Variants in NECAB1 observed in about 807,000 individuals in gnomAD.
The protein encoded by NECAB1 is N-terminal EF-hand calcium binding protein 1.
Under a neutral mutation model 57.5 loss-of-function variants are expected in NECAB1, and 29 were observed. The observed-to-expected ratio is 0.50, with a 90% CI of 0.38 to 0.69. The LOEUF is 0.69. Among genes scored for constraint, NECAB1 ranks in the 30% least tolerant of loss-of-function variants. The pLI is 0.00. For synonymous variants in NECAB1, 142 were observed against 147.7 expected (o/e 0.96, Z 0.28); for missense variants, 372 against 413.8 (o/e 0.90, Z 0.88).
At chr8:90,874,882 G>A (rs1808686083) in intron 4 of NECAB1, among the ~76,000 whole-genome samples, 1 of 151,962 alleles carries the variant, frequency 6.6e-6, no homozygotes, top group South Asian at 2.1e-4. Flanking sequence ...ACACCCACCA[G>A]CAGTTTATAG....
intron 12 of NECAB1, among the ~76,000 whole-genome samples, chr8:90,953,496 T>A (rs907589430): frequency 6.6e-5 from 10 of 152,214 alleles, no homozygotes; most frequent in African/African-American, 1.9e-4. Flanking sequence ...TAATTTCATG[T>A]TACATTTAAT....
chr8:90,947,129 C>T (rs2130260696), intron 10 of NECAB1, among the ~76,000 whole-genome samples: 1 of 152,246 alleles, frequency 6.6e-6, no homozygotes, highest in South Asian at 2.1e-4. Flanking sequence ...CTTCTCATTG[C>T]TTTAATAGAT....
At chr8:90,921,047 C>G (rs1474935687) in intron 6 of NECAB1, among the ~76,000 whole-genome samples, 4 of 152,146 alleles carry the variant, frequency 2.6e-5, no homozygotes. Context: ...GACAAAGTCT[C>G]ACTCTGTAGC....
chr8:90,867,547 AT>A (rs1808541469), intron 3 of NECAB1, among the ~76,000 whole-genome samples: 1 of 150,852 alleles, frequency 6.6e-6, no homozygotes, highest in South Asian at 2.1e-4. Flanking sequence ...CTATCTATTC[AT>A]TTCTATCTAT....
intron 2 of NECAB1, among the ~76,000 whole-genome samples, chr8:90,805,945 C>A (rs1029084340): frequency 2.6e-5 from 4 of 152,146 alleles, no homozygotes; most frequent in South Asian, 2.1e-4. Flanking sequence ...ATTTCCTCCA[C>A]CCCCAGCCCA....
intron 3 of NECAB1, among the ~76,000 whole-genome samples, chr8:90,856,867 C>T (rs186404346): frequency 4.7e-4 from 72 of 152,200 alleles, no homozygotes; most frequent in African/African-American, 1.4e-3. Flanking sequence ...GTAAGATGAC[C>T]GATTTCCTCT....
intron 4 of NECAB1, among the ~76,000 whole-genome samples, chr8:90,879,040 TATTA>T (rs1390660576): frequency 7.0e-6 from 1 of 143,140 alleles, no homozygotes; most frequent in African/African-American, 2.6e-5. Flanking sequence ...ATTTATTATT[TATTA>T]TTTATATAAT....
At chr8:90,886,531 G>A (rs1401109093) in intron 5 of NECAB1, among the ~76,000 whole-genome samples, 1 of 151,556 alleles carries the variant, frequency 6.6e-6, no homozygotes, top group Non-Finnish European at 1.5e-5. Context: ...TCTCTCTTTT[G>A]TTTTTGTTTT....
At chr8:90,900,779 T>C (rs1809482386) in intron 5 of NECAB1, among the ~76,000 whole-genome samples, 1 of 152,150 alleles carries the variant, frequency 6.6e-6, no homozygotes, top group South Asian at 2.1e-4. Flanking sequence ...CCTGTCAGGG[T>C]TTCATCACGC....
intron 2 of NECAB1, among the ~76,000 whole-genome samples, chr8:90,822,211 T>C (rs1266850827): frequency 6.6e-6 from 1 of 151,900 alleles, no homozygotes; most frequent in Non-Finnish European, 1.5e-5. Flanking sequence ...CAAAAGAAAA[T>C]ATCAACAGGA....
At chr8:90,954,505 CA>C (rs776506188) in intron 12 of NECAB1, among the ~76,000 whole-genome samples, 4 of 149,978 alleles carry the variant, frequency 2.7e-5, no homozygotes, top group African/African-American at 4.9e-5. Context: ...AAACAGGATA[CA>C]AAAAAAAAGA....
intron 9 of NECAB1, 54 bp downstream of exon 9, chr8:90,934,411 T>C: frequency 8.5e-7 from 1 of 1,183,118 alleles, no homozygotes; most frequent in Non-Finnish European, 1.2e-6. Context: ...AAAAACATAA[T>C]TTAATTTCTT....
At chr8:90,807,755 G>T (rs1277605694) in intron 2 of NECAB1, among the ~76,000 whole-genome samples, 1 of 152,080 alleles carries the variant, frequency 6.6e-6, no homozygotes, top group East Asian at 1.9e-4. Flanking sequence ...AGATTAGTAG[G>T]GTTCTCACAT....
At chr8:90,917,165 C>T (rs1225997405) in intron 5 of NECAB1, among the ~76,000 whole-genome samples, 2 of 152,096 alleles carry the variant, frequency 1.3e-5, no homozygotes. Context: ...TTCTGATCTT[C>T]CCCCTCCGCC....
intron 10 of NECAB1, among the ~76,000 whole-genome samples, chr8:90,942,804 C>A (rs1054525006): frequency 6.6e-6 from 1 of 152,140 alleles, no homozygotes; most frequent in African/African-American, 2.4e-5. Context: ...ATCGCTTGAA[C>A]CCCGGAGGCG....
Position 90,957,691 on chromosome 8 carries a change from GA to G in NECAB1, c.*2184del, listed in dbSNP as rs1356884101. On this transcript the variant is annotated 3_prime_UTR_variant, in exon 13 of 13. Coordinates refer to ENST00000417640, the MANE Select transcript of NECAB1 (RefSeq NM_022351.5). ...GTAGGGCCAAAAAAAAAAAGAAAAA[GA>G]AAAAGAAAAAAGAAAAAAAAAGAAA... is the stretch of plus-strand genomic sequence containing the variant. The G allele has an allele frequency of 7.2e-6, 1 of 138,312 alleles. No individual in the cohort carries two copies. Among genetic ancestry groups the G allele is most frequent in the Non-Finnish European group, 1.6e-5 (1 of 63,268 alleles). The allele number at this position is 138,312 out of a possible 1,614,324, so 8.6% of individuals were successfully genotyped here.
At chr8:90,919,837 G>A (rs1219650394) in intron 6 of NECAB1, among the ~76,000 whole-genome samples, 8 of 152,106 alleles carry the variant, frequency 5.3e-5, no homozygotes, top group African/African-American at 1.9e-4. Context: ...CTGAGAAGAG[G>A]CTTGAAAAAG....
intron 2 of NECAB1, among the ~76,000 whole-genome samples, chr8:90,820,354 A>G (rs570364054): frequency 2.6e-5 from 4 of 152,120 alleles, no homozygotes; most frequent in Admixed American, 2.6e-4. Context: ...TTGTTTTAAA[A>G]CAAATATATG....
intron 6 of NECAB1, 143 bp from the exon 7 acceptor site, chr8:90,925,392 A>G: frequency 1.2e-6 from 1 of 814,370 alleles, no homozygotes; most frequent in Non-Finnish European, 1.9e-6. Flanking sequence ...TTGGGTTTCT[A>G]GAGCATTTAC....
Sources: gnomAD v4.1 joint callset for allele counts (sites outside exome capture counted in the v4.1 genomes callset) on GRCh38, gnomAD v4.1.1 for gene constraint, MANE v1.5 for transcripts, NCBI Gene and HGNC (gene_info 2026-07-23, HGNC 2026-07-21) for gene names.